STK32B: variants seen among roughly 807,000 people sequenced by gnomAD.
The protein encoded by STK32B is serine/threonine-protein kinase 32B.
STK32B carries 43 observed loss-of-function variants against 52.6 expected under a neutral mutation model. The observed-to-expected ratio is 0.82, with a 90% confidence interval of 0.64 to 1.05. STK32B has a LOEUF of 1.05. Among genes scored for constraint, STK32B ranks in the 50% least tolerant of loss-of-function variants. STK32B has a pLI of 0.00. For missense variants in STK32B, 621 were observed against 534.6 expected, an observed-to-expected ratio of 1.16 and a Z score of -1.59; for synonymous variants, 238 against 204.3, an observed-to-expected ratio of 1.17 and a Z score of -1.41.
At chr4:5,178,894 C>T (rs1363043743) in intron 3 of STK32B, among the ~76,000 whole-genome samples, 2 of 152,304 alleles carry the variant, frequency 1.3e-5, no homozygotes, top group African/African-American at 4.8e-5. Context: ...CTGTCTTCTT[C>T]TGAGCCCTCC....
chr4:5,414,862 C>T (rs1036500943), intron 5 of STK32B, among the ~76,000 whole-genome samples: 2 of 152,164 alleles, frequency 1.3e-5, no homozygotes, highest in South Asian at 4.1e-4. Context: ...TTTTAATGAG[C>T]TGGCATCACT....
At chr4:5,143,111 C>CTGTCTGTCTGTT (rs1716615023) in intron 2 of STK32B, among the ~76,000 whole-genome samples, 2 of 143,802 alleles carry the variant, frequency 1.4e-5, no homozygotes, top group South Asian at 4.7e-4. Context: ...CTCTGTCTGT[C>CTGTCTGTCTGTT]TGTCTGTCTG....
At chr4:5,231,560 C>T (rs56382112) in intron 3 of STK32B, among the ~76,000 whole-genome samples, 4,860 of 152,162 alleles carry the variant, frequency 0.032, 104 homozygotes, top group South Asian at 0.054. Flanking sequence ...TGCAGTGAGC[C>T]GAGATTGCAC....
chr4:5,128,251 T>C (rs1299858072), intron 1 of STK32B, among the ~76,000 whole-genome samples: 2 of 152,208 alleles, frequency 1.3e-5, no homozygotes, highest in East Asian at 3.8e-4. Flanking sequence ...AGCCATGTAA[T>C]TGGTGGTAGC....
Position 5,428,942 on chromosome 4 carries a change from G to A in STK32B, c.562+12008G>A, listed in dbSNP as rs144436910. On this transcript the variant is annotated intron_variant, in intron 6 of 11. Coordinates refer to ENST00000282908, the MANE Select transcript of STK32B (RefSeq NM_018401.3). ...GGTTAGTGTTTACATGACATATCCAGTGGTTTGCTGGTAAATGTCTAACAG... is the reference window on the plus strand; with the variant it reads ...GGTTAGTGTTTACATGACATATCCAATGGTTTGCTGGTAAATGTCTAACAG... 4.0e-3 allele frequency among the ~76,000 whole-genome samples: 607 copies of A among 152,252 alleles called. 2 individuals are homozygous for A. Among genetic ancestry groups the A allele is most frequent in the African/African-American group, 0.014 (570 of 41,536 alleles).
chr4:5,232,659 T>C (rs1485217618), intron 3 of STK32B, among the ~76,000 whole-genome samples: 1 of 152,120 alleles, frequency 6.6e-6, no homozygotes, highest in East Asian at 1.9e-4. Context: ...GGTCGGTAAG[T>C]TGGGGAGCAG....
At chr4:5,166,665 C>T (rs1411546463) in intron 2 of STK32B, among the ~76,000 whole-genome samples, 2 of 151,670 alleles carry the variant, frequency 1.3e-5, no homozygotes, top group Non-Finnish European at 2.9e-5. Context: ...AGGATCCCCC[C>T]AGGAGCCTTC....
intron 7 of STK32B, among the ~76,000 whole-genome samples, chr4:5,452,156 C>T (rs1182581769): frequency 1.3e-5 from 2 of 152,170 alleles, no homozygotes; most frequent in African/African-American, 2.4e-5. Context: ...GAGGACTTTA[C>T]CCTCTTTGCT....
At position 5,499,242 on chromosome 4, in the gene STK32B, C is replaced by A; in HGVS notation, c.*159C>A. 9.9e-7 allele frequency: 1 copy of A among 1,007,608 alleles called. No individual in the cohort carries two copies. The highest frequency in any genetic ancestry group is 1.4e-6 in the Non-Finnish European group (1 of 733,474). The allele number at this position is 1,007,608 out of a possible 1,614,324, so 62.4% of individuals were successfully genotyped here. On this transcript the variant is annotated 3_prime_UTR_variant, in exon 12 of 12. Transcript: ENST00000282908. ...TGGGAAGCCTGGGTTCTGGTCCCATCTCCATGACTGATTCACGTGTGACCT... is the reference window on the plus strand; with the variant it reads ...TGGGAAGCCTGGGTTCTGGTCCCATATCCATGACTGATTCACGTGTGACCT...
intron 3 of STK32B, among the ~76,000 whole-genome samples, chr4:5,183,464 CA>C (rs1720508908): frequency 7.3e-6 from 1 of 136,176 alleles, no homozygotes; most frequent in South Asian, 2.3e-4. Context: ...GCAAAAAGAG[CA>C]AAACTCCATC....
chr4:5,397,909 C>T (rs1333759988), intron 4 of STK32B, among the ~76,000 whole-genome samples: 3 of 152,222 alleles, frequency 2.0e-5, no homozygotes, highest in African/African-American at 7.2e-5. Context: ...TGATCACATG[C>T]TTAGTGAGCA....
chr4:5,263,235 A>G (rs376409818), intron 3 of STK32B, among the ~76,000 whole-genome samples: 5 of 152,338 alleles, frequency 3.3e-5, no homozygotes, highest in African/African-American at 1.2e-4. Flanking sequence ...ATGCAGTCCC[A>G]TATAATTCTT....
chr4:5,107,837 A>ATT (rs199981495), intron 1 of STK32B, among the ~76,000 whole-genome samples: 1 of 151,892 alleles, frequency 6.6e-6, no homozygotes, highest in African/African-American at 2.4e-5. Flanking sequence ...ATGTGAACTC[A>ATT]TTTTTTTTGT....
intron 1 of STK32B, among the ~76,000 whole-genome samples, chr4:5,072,792 A>G (rs1381883873): frequency 1.3e-5 from 2 of 152,166 alleles, no homozygotes; most frequent in Non-Finnish European, 2.9e-5. Context: ...TTTTAAAAAG[A>G]TAATTACTGA....
chr4:5,323,527 C>G (rs1162710940), intron 3 of STK32B, among the ~76,000 whole-genome samples: 1 of 152,142 alleles, frequency 6.6e-6, no homozygotes, highest in Non-Finnish European at 1.5e-5. Flanking sequence ...GTCTCTGTGA[C>G]AAGAAGAGGC....
At chr4:5,335,593 C>T (rs1732616466) in intron 4 of STK32B, among the ~76,000 whole-genome samples, 2 of 151,798 alleles carry the variant, frequency 1.3e-5, no homozygotes, top group African/African-American at 2.4e-5. Flanking sequence ...TTGGATCTTT[C>T]CTGCTTTCTC....
chr4:5,430,046 G>A (rs1034877219), intron 6 of STK32B, among the ~76,000 whole-genome samples: 1 of 151,954 alleles, frequency 6.6e-6, no homozygotes, highest in Non-Finnish European at 1.5e-5. Flanking sequence ...ATGTACCAAG[G>A]CATATTGGAT....
chr4:5,156,371 G>C lies in STK32B; in HGVS notation c.109-11928G>C, dbSNP rs149146265. The stretch of plus-strand genomic sequence containing the variant: ...TTTTGACACATGGTTTATATTGATT[G>C]ACTCAGGGTTAGCACGCAGAGGTGA... On this transcript the variant is annotated intron_variant, in intron 2 of 11. Coordinates refer to ENST00000282908, the MANE Select transcript of STK32B (RefSeq NM_018401.3). Among the ~76,000 whole-genome samples, 7 of 152,204 alleles carry C rather than the reference G, an allele frequency of 4.6e-5. No homozygotes were observed. The East Asian group carries it at 1.4e-3, about 29-fold the overall frequency.
At chr4:5,154,182 G>A (rs1443706888) in intron 2 of STK32B, among the ~76,000 whole-genome samples, 2 of 151,438 alleles carry the variant, frequency 1.3e-5, no homozygotes, top group African/African-American at 4.9e-5. Flanking sequence ...ATCTATGGCT[G>A]GATGGCCTTT....
Sources: gnomAD v4.1 joint callset for allele counts (sites outside exome capture counted in the v4.1 genomes callset) on GRCh38, gnomAD v4.1.1 for gene constraint, MANE v1.5 for transcripts, NCBI Gene and HGNC (gene_info 2026-07-23, HGNC 2026-07-21) for gene names.